EYS: variants seen among roughly 807,000 people sequenced by gnomAD.
EYS encodes the protein protein eyes shut homolog.
Under a neutral mutation model 282.1 loss-of-function variants are expected in EYS, and 250 were observed. The observed-to-expected ratio is 0.89, with a 90% CI of 0.80 to 0.98. EYS has a LOEUF of 0.98. Among genes scored for constraint, EYS ranks in the 50% least tolerant of loss-of-function variants. EYS has a pLI of 0.00. For synonymous variants in EYS, 1,355 were observed against 1,282.9 expected (o/e 1.06, Z -1.20); for missense variants, 4,016 against 3,709.0 (o/e 1.08, Z -2.15).
chr6:65,001,118 T>TCTCTACCCAGCAGTCGCCCATGCG (rs1206508310), intron 13 of EYS, among the ~76,000 whole-genome samples: 8 of 119,264 alleles, frequency 6.7e-5, no homozygotes, highest in Middle Eastern at 3.8e-3. Flanking sequence ...GCTCTCAGCC[T>TCTCTACCCAGCAGTCGCCCATGCG]TGCTGTCCGC....
chr6:65,056,581 T>G (rs1301017952), intron 13 of EYS, among the ~76,000 whole-genome samples: 2 of 151,900 alleles, frequency 1.3e-5, no homozygotes, highest in African/African-American at 4.8e-5. Context: ...CAGAGTGAGA[T>G]CCTCTCTCAA....
In EYS at chr6:64,928,257, A is replaced by AT. The variant is rs548534601; in HGVS notation, c.2382-15515dup. On this transcript the variant is annotated intron_variant, in intron 15 of 42. Coordinates refer to ENST00000503581, the MANE Select transcript of EYS (RefSeq NM_001142800.2). ...AAAAATGCAGGACCTTAATTATATC[A>AT]TTTTTTTAAGAACTTAATATCAAAT... is the stretch of plus-strand genomic sequence containing the variant. Among the ~76,000 whole-genome samples the AT allele has an allele frequency of 2.3e-3, 347 of 152,196 alleles. 8 individuals carry two copies. Among genetic ancestry groups the AT allele is most frequent in the Admixed American group, 0.02 (302 of 15,272 alleles).
intron 2 of EYS, among the ~76,000 whole-genome samples, chr6:65,582,005 T>C (rs966215039): frequency 6.6e-6 from 1 of 151,548 alleles, no homozygotes; most frequent in Non-Finnish European, 1.5e-5. Context: ...CTGGATAGCA[T>C]GGTGAAAACC....
At chr6:64,243,576 C>G (rs1766908350) in intron 30 of EYS, among the ~76,000 whole-genome samples, 1 of 152,156 alleles carries the variant, frequency 6.6e-6, no homozygotes, top group South Asian at 2.1e-4. Context: ...ACATCTCATT[C>G]CATTGGTTAG....
At chr6:64,550,096 A>G (rs2149804881) in intron 26 of EYS, among the ~76,000 whole-genome samples, 1 of 152,284 alleles carries the variant, frequency 6.6e-6, no homozygotes, top group East Asian at 1.9e-4. Context: ...ATAGTATTCC[A>G]TGGTGTATAT....
At chr6:63,829,739 G>A (rs1345103970) in intron 36 of EYS, among the ~76,000 whole-genome samples, 2 of 152,244 alleles carry the variant, frequency 1.3e-5, no homozygotes, top group Non-Finnish European at 2.9e-5. Flanking sequence ...TGGAGTTTGA[G>A]ATCTGAGAAT....
At chr6:65,446,526 T>C (rs1768663808) in intron 5 of EYS, among the ~76,000 whole-genome samples, 1 of 151,804 alleles carries the variant, frequency 6.6e-6, no homozygotes, top group Admixed American at 6.6e-5. Context: ...AAGATAATAC[T>C]GAGAGTTGTG....
intron 35 of EYS, among the ~76,000 whole-genome samples, chr6:63,975,169 C>G (rs1242457204): frequency 6.6e-6 from 1 of 151,520 alleles, no homozygotes; most frequent in African/African-American, 2.4e-5. Context: ...CCTAAGCTTG[C>G]AGTTTATGTG....
Position 64,019,990 on chromosome 6 carries a change from T to G in EYS, c.6726-20807A>C, listed in dbSNP as rs573129877. On this transcript the variant is annotated intron_variant, in intron 33 of 42. Coordinates refer to ENST00000503581, the MANE Select transcript of EYS (RefSeq NM_001142800.2). ...TATGAAATAGATCAGAAAGCAATAGTGTATCTCCTCTTAACATTTTCGCAG... is the reference window on the plus strand; with the variant it reads ...TATGAAATAGATCAGAAAGCAATAGGGTATCTCCTCTTAACATTTTCGCAG... Among the ~76,000 whole-genome samples, 85 of 151,926 alleles carry G rather than the reference T, an allele frequency of 5.6e-4. 1 individual carries two copies. Among genetic ancestry groups the G allele is most frequent in the Non-Finnish European group, 2.1e-4 (14 of 67,948 alleles).
intron 12 of EYS, among the ~76,000 whole-genome samples, chr6:65,231,734 G>C (rs1310693712): frequency 6.6e-6 from 1 of 151,752 alleles, no homozygotes; most frequent in Non-Finnish European, 1.5e-5. Flanking sequence ...CATCTCCTTT[G>C]AAAGACTCCA....
intron 31 of EYS, among the ~76,000 whole-genome samples, chr6:64,206,112 A>G (rs898113497): frequency 3.3e-5 from 5 of 152,184 alleles, no homozygotes; most frequent in African/African-American, 7.2e-5. Flanking sequence ...AACACACATG[A>G]AAAATAATTT....
chr6:65,405,137 T>G, intron 6 of EYS, 37 bp downstream of exon 6: 4 of 1,516,730 alleles, frequency 2.6e-6, no homozygotes, highest in Non-Finnish European at 3.7e-6. Context: ...TAAAAAAAAT[T>G]TAAAACCACT....
At chr6:63,811,472 C>T (rs1562037810) in intron 36 of EYS, among the ~76,000 whole-genome samples, 1 of 152,134 alleles carries the variant, frequency 6.6e-6, no homozygotes, top group Non-Finnish European at 1.5e-5. Context: ...ACTGCACTGT[C>T]CTGATATTTT....
In EYS at chr6:63,762,476, T is replaced by C; in HGVS notation, c.8056A>G (p.Ile2686Val). 6.5e-7 allele frequency: 1 copy of C among 1,550,090 alleles called. No homozygotes were observed. The highest frequency in any genetic ancestry group is 1.2e-5 in the South Asian group (1 of 84,024). ...TCTGCCTCACCTTGTTCACAGTAGA[T>C]TCCAGTGGTTCCTAGAGGACAGAAA... ...TCFCPLGTTG[I>V]YCEQALSISD... The change falls in exon 41 of 43, where the codon ATC (isoleucine) becomes GTC (valine). Residue 2686 changes from isoleucine (I) to valine (V), a missense_variant. Physicochemically the swap from Ile to Val is conservative, Grantham distance 29. Transcript: ENST00000503581.
chr6:65,071,346 T>A (rs528364589), intron 12 of EYS, among the ~76,000 whole-genome samples: 1 of 151,918 alleles, frequency 6.6e-6, no homozygotes, highest in Non-Finnish European at 1.5e-5. Context: ...AAAATTTGTT[T>A]GGAATATGCA....
At chr6:63,804,180 C>A (rs1770847746) in intron 37 of EYS, among the ~76,000 whole-genome samples, 1 of 152,068 alleles carries the variant, frequency 6.6e-6, no homozygotes, top group South Asian at 2.1e-4. Context: ...CCATGCCTGG[C>A]TAATTTTGTA....
chr6:64,615,512 C>A (rs1177772919), intron 24 of EYS, among the ~76,000 whole-genome samples: 2 of 151,770 alleles, frequency 1.3e-5, no homozygotes, highest in East Asian at 3.9e-4. Flanking sequence ...TTTTCTGTTC[C>A]AATTAATAAT....
intron 33 of EYS, among the ~76,000 whole-genome samples, chr6:64,040,428 G>A (rs9362406): frequency 0.31 from 46,717 of 152,024 alleles, 7,444 homozygotes; most frequent in Middle Eastern, 0.38. Flanking sequence ...AATCAATCTT[G>A]TGAAAGTTAA....
intron 22 of EYS, among the ~76,000 whole-genome samples, chr6:64,655,733 C>T (rs886671058): frequency 1.3e-5 from 2 of 151,842 alleles, no homozygotes; most frequent in Non-Finnish European, 2.9e-5. Flanking sequence ...TAAAAAAGGG[C>T]TTATTGTCAA....
Sources: allele counts gnomAD v4.1 joint callset (sites outside exome capture counted in the v4.1 genomes callset), GRCh38; gene constraint gnomAD v4.1.1; transcripts MANE v1.5; gene names NCBI Gene and HGNC (gene_info 2026-07-23, HGNC 2026-07-21).